Variants in DDX18 observed in about 807,000 individuals in gnomAD.
The protein encoded by DDX18 is DEAD-box helicase 18, also known as ATP-dependent RNA helicase DDX18.
DDX18 carries 23 observed loss-of-function variants against 73.5 expected under a neutral mutation model. The observed-to-expected ratio is 0.31, with a 90% confidence interval of 0.23 to 0.44. The LOEUF is 0.44. Among genes scored for constraint, DDX18 ranks in the 20% least tolerant of loss-of-function variants. The pLI is 1.00. For missense variants in DDX18, 753 were observed against 792.9 expected (o/e 0.95, Z 0.60); for synonymous variants, 268 against 282.7 (o/e 0.95, Z 0.52).
At position 117,814,731 on chromosome 2, in the gene DDX18, A is replaced by C. The variant is rs994053021; in HGVS notation, c.-47A>C. The C allele has an allele frequency of 1.3e-6, 2 of 1,593,450 alleles. No individual in the cohort carries two copies. Among genetic ancestry groups the C allele is most frequent in the Non-Finnish European group, 1.7e-6 (2 of 1,162,324 alleles). ...GGAAGTAACGTCAGCCTGAGAACTG[A>C]GTAGCTGTACTGTGTGGCGCCTTAT... is the stretch of plus-strand genomic sequence containing the variant. On this transcript the variant is annotated 5_prime_UTR_variant, in exon 1 of 14. Transcript: ENST00000263239.
At chr2:117,824,888 T>C (rs1679899526) in intron 8 of DDX18, 52 bp from the exon 9 acceptor site, 1 of 1,547,544 alleles carries the variant, frequency 6.5e-7, no homozygotes, top group Admixed American at 2.0e-5. Context: ...AGTTAGGAAA[T>C]GGAAAATGTC....
chr2:117,826,745 C>T (rs1489557797), intron 11 of DDX18: 1 of 227,482 alleles, frequency 4.4e-6, no homozygotes, highest in Non-Finnish European at 8.9e-6. Flanking sequence ...GTGGGGAATC[C>T]TTGTTCGCTC....
chr2:117,826,409 T>A, intron 11 of DDX18, 27 bp downstream of exon 11: 1 of 1,599,722 alleles, frequency 6.3e-7, no homozygotes, highest in Middle Eastern at 1.7e-4. Flanking sequence ...GGAGAAAGAT[T>A]TCTCTTGGTG....
chr2:117,824,877 A>T (rs1454642324), intron 8 of DDX18, 63 bp from the exon 9 acceptor site: 1 of 1,533,228 alleles, frequency 6.5e-7, no homozygotes, highest in Non-Finnish European at 8.8e-7. Flanking sequence ...GAAATTACAC[A>T]AGTTAGGAAA....
Position 117,821,289 on chromosome 2 carries a change from G to A in DDX18, c.643G>A (p.Glu215Lys). The change falls in exon 4 of 14, where the codon GAA (glutamate) becomes AAA (lysine). Residue 215 changes from glutamate to lysine, a missense_variant. This residue lies in a region of DDX18 where 345 missense variants were observed against 352.0 expected (regional missense o/e 0.98). Transcript: ENST00000263239. ...IQHKSIRPLL[E>K]GRDLLAAAKT... ...GCATAAAAGTATCAGACCACTTCTG[G>A]AAGGCAGGTATGATTAACATTGAAG... 6.2e-7 allele frequency: 1 copy of A among 1,601,672 alleles called. No homozygotes were observed.
rs1296907816 is a variant in DDX18, at chr2:117,819,648, G to C, written c.371-1G>C. On this transcript the variant is annotated splice_acceptor_variant, in intron 2 of 13. Coordinates refer to ENST00000263239, the MANE Select transcript of DDX18 (RefSeq NM_006773.4). LOFTEE classifies it high-confidence loss of function. The stretch of plus-strand genomic sequence containing the variant: ...TCGGATTTTGTCTTTTAAAACCAAA[G>C]ATACGAAAAAAGCAAAAACTGAAAA... 6.4e-7 allele frequency: 1 copy of C among 1,572,174 alleles called. No individual in the cohort carries two copies. The highest frequency in any genetic ancestry group is 2.3e-5 in the East Asian group (1 of 44,068).
chr2:117,826,091 G>A (rs1679922761), intron 10 of DDX18, 178 bp from the exon 11 acceptor site: 2 of 301,414 alleles, frequency 6.6e-6, no homozygotes, highest in Admixed American at 5.3e-5. Context: ...TATTGGGGGT[G>A]ATGTGCACAG....
chr2:117,825,185 C>G (rs1679904290), intron 9 of DDX18, 84 bp downstream of exon 9: 1 of 1,490,014 alleles, frequency 6.7e-7, no homozygotes, highest in East Asian at 2.3e-5. Flanking sequence ...TTGCCCTCTC[C>G]TGGAAACATT....
chr2:117,826,321 A>G lies in DDX18; in HGVS notation c.1574A>G (p.His525Arg), dbSNP rs1679927619. Reference protein sequence around the residue: ...RTARGLNGRGHALLILRPEEL... With the variant: ...RTARGLNGRGRALLILRPEEL... ...GCCAGAGGCCTAAATGGGAGAGGGC[A>G]TGCCTTGCTCATTTTGCGCCCAGAA... Residue 525 changes from histidine to arginine, a missense_variant, in exon 11 of 14, where the codon CAT becomes CGT. This residue lies in a region of DDX18 where 402 missense variants were observed against 419.4 expected (regional missense o/e 0.96). Transcript: ENST00000263239. 5.0e-6 allele frequency: 8 copies of G among 1,614,106 alleles called. No homozygotes were observed. The highest frequency in any genetic ancestry group is 6.8e-6 in the Non-Finnish European group (8 of 1,180,006).
intron 1 of DDX18, 87 bp downstream of exon 1, chr2:117,814,949 T>G: frequency 7.4e-7 from 1 of 1,354,790 alleles, no homozygotes. Context: ...CTGCTCTGTG[T>G]GACGGAGGCA....
At chr2:117,817,398 A>G in intron 1 of DDX18, 46 bp from the exon 2 acceptor site, 2 of 1,508,048 alleles carry the variant, frequency 1.3e-6, no homozygotes, top group Non-Finnish European at 1.8e-6. Flanking sequence ...TTTCTAAGTA[A>G]ACTTCTCCTT....
rs918364161 is a variant in DDX18 at position 117,814,786 on chromosome 2, C to T, written c.9C>T (p.His3=). MS[H]LPMKLLRKKI... ...GGCACTTGTTGGGCAGAATGTCACA[C>T]CTGCCGATGAAACTCCTGCGTAAGA... Residue 3 remains histidine (H), a synonymous_variant, in exon 1 of 14, where the codon CAC becomes CAT. Coordinates refer to ENST00000263239, the MANE Select transcript of DDX18 (RefSeq NM_006773.4). The T allele has an allele frequency of 1.2e-6, 2 of 1,614,092 alleles. No homozygotes were observed. Among genetic ancestry groups the T allele is most frequent in the African/African-American group, 2.7e-5 (2 of 74,922 alleles).
Position 117,821,933 on chromosome 2 carries a change from A to C in DDX18, c.823A>C (p.Met275Leu), listed in dbSNP as rs1679852563. The C allele has an allele frequency of 6.2e-7, 1 of 1,613,984 alleles. No individual in the cohort carries two copies. The highest frequency in any genetic ancestry group is 1.3e-5 in the African/African-American group (1 of 74,906). ...AACCTTTGGTGTTCTTAAGGAGCTG[A>C]TGACTCACCACGTGCATACCTATGG... ...MQTFGVLKEL[M>L]THHVHTYGLI... Residue 275 changes from methionine to leucine, a missense_variant, in exon 6 of 14, where the codon ATG becomes CTG. Met to Leu is a conservative substitution (Grantham distance 15, BLOSUM62 2). This residue lies in a region of DDX18 where 345 missense variants were observed against 352.0 expected (regional missense o/e 0.98). Transcript: ENST00000263239.
chr2:117,830,621 G>T lies in DDX18; in HGVS notation c.1910G>T (p.Gly637Val). ...GAAGGCAAGCAGAAAAAGCGAGGAG[G>T]TGGTGGTGGATTTGGCTACCAGAAA... ...SNEGKQKKRG[G>V]GGGFGYQKTK... The change falls in exon 14 of 14, where the codon GGT becomes GTT. Residue 637 changes from glycine to valine, a missense_variant. Around this residue, in one of 3 missense-constraint regions of DDX18, gnomAD observed 402 missense variants for 419.4 expected, o/e 0.96. Coordinates refer to ENST00000263239, the MANE Select transcript of DDX18 (RefSeq NM_006773.4). The T allele has an allele frequency of 1.2e-6, 2 of 1,613,840 alleles. No individual in the cohort carries two copies. The highest frequency in any genetic ancestry group is 2.2e-5 in the East Asian group (1 of 44,870).
chr2:117,818,542 A>G (rs1184063834), intron 2 of DDX18, among the ~76,000 whole-genome samples: 5 of 152,246 alleles, frequency 3.3e-5, no homozygotes, highest in Admixed American at 1.3e-4. Flanking sequence ...GCCTACACAC[A>G]GAAGTCATTG....
chr2:117,814,719 G>A lies in DDX18; in HGVS notation c.-59G>A. 1 of 1,563,742 alleles carries A rather than the reference G, an allele frequency of 6.4e-7. No homozygotes were observed. Among genetic ancestry groups the A allele is most frequent in the Non-Finnish European group, 8.8e-7 (1 of 1,138,882 alleles). ...TGCGGCCGGAAGGGAAGTAACGTCA[G>A]CCTGAGAACTGAGTAGCTGTACTGT... On this transcript the variant is annotated 5_prime_UTR_variant, in exon 1 of 14. Coordinates refer to ENST00000263239, the MANE Select transcript of DDX18 (RefSeq NM_006773.4).
chr2:117,831,676 C>T lies in DDX18; in HGVS notation c.*952C>T, dbSNP rs1476921470. The T allele has an allele frequency of 3.9e-5, 6 of 152,054 alleles. No individual in the cohort carries two copies. Among genetic ancestry groups the T allele is most frequent in the South Asian group, 4.2e-4 (2 of 4,810 alleles). The allele number at this position is 152,054 out of a possible 1,614,324, so 9.4% of individuals were successfully genotyped here. On this transcript the variant is annotated 3_prime_UTR_variant, in exon 14 of 14. Coordinates refer to ENST00000263239, the MANE Select transcript of DDX18 (RefSeq NM_006773.4). ...GCCCAGCACACATTAATGTTAGCTTCTTTCTGAGAAAAAAATACCTCTTCC... is the reference window on the plus strand; with the variant it reads ...GCCCAGCACACATTAATGTTAGCTTTTTTCTGAGAAAAAAATACCTCTTCC...
rs563491795 is a variant in DDX18 at position 117,832,221 on chromosome 2, A to G, written c.*1497A>G. 3 of 152,272 alleles carry G rather than the reference A, an allele frequency of 2.0e-5. No homozygotes were observed. Among genetic ancestry groups the G allele is most frequent in the African/African-American group, 7.2e-5 (3 of 41,550 alleles). 9.4% of individuals were successfully genotyped at this position (152,272 alleles called of 1,614,324 possible). A position where few individuals can be genotyped will look rare whatever the true frequency, so the allele number is the denominator to read the frequency against. On this transcript the variant is annotated 3_prime_UTR_variant, in exon 14 of 14. Transcript: ENST00000263239. ...AATATTTAATTACTGAGCAGAAGTA[A>G]ATACTGTTGGCATTTTGTACATAAT...
Position 117,821,168 on chromosome 2 carries a change from T to C in DDX18, c.522T>C (p.Phe174=). Reference sequence around the variant, plus strand: ...AAATTGTCTTCTGTTTAGGAGCTTTTGAGGATACTTCGTTTGCTTCTCTAT... The same window carrying C: ...AAATTGTCTTCTGTTTAGGAGCTTTCGAGGATACTTCGTTTGCTTCTCTAT... ...PSLPLGLTGA[F]EDTSFASLCN... Residue 174 remains phenylalanine, a synonymous_variant, in exon 4 of 14, where the codon TTT becomes TTC. Transcript: ENST00000263239. 6.3e-7 allele frequency: 1 copy of C among 1,584,410 alleles called. No homozygotes were observed. Among genetic ancestry groups the C allele is most frequent in the Non-Finnish European group, 8.6e-7 (1 of 1,168,742 alleles).
Sources: allele counts gnomAD v4.1 joint callset (sites outside exome capture counted in the v4.1 genomes callset), GRCh38; gene constraint gnomAD v4.1.1; regional missense constraint gnomAD v4.1.1; transcripts MANE v1.5; gene names NCBI Gene and HGNC (gene_info 2026-07-23, HGNC 2026-07-21).